Variants in LMTK2 observed in about 807,000 individuals in gnomAD.
LMTK2 encodes the protein serine/threonine-protein kinase LMTK2.
Under a neutral mutation model 127.5 loss-of-function variants are expected in LMTK2, and 37 were observed. The observed-to-expected ratio is 0.29, with a 90% CI of 0.22 to 0.38. LMTK2 has a LOEUF of 0.38. Ranked by LOEUF, LMTK2 falls within the 10% of genes least tolerant of loss-of-function variation. The probability of loss-of-function intolerance (pLI) is 1.00; values close to 1 mark genes in which losing one functional copy is unlikely to be tolerated. For missense variants in LMTK2, 1,694 were observed against 1,920.3 expected, an observed-to-expected ratio of 0.88 and a Z score of 2.20; for synonymous variants, 819 against 810.1, an observed-to-expected ratio of 1.01 and a Z score of -0.19.
chr7:98,140,869 G>A (rs1418258240), intron 2 of LMTK2, among the ~76,000 whole-genome samples: 2 of 148,474 alleles, frequency 1.3e-5, no homozygotes, highest in African/African-American at 5.1e-5. Context: ...GCAACATAGG[G>A]AGACTCTGCC....
chr7:98,173,277 C>T (rs1194179999), intron 7 of LMTK2, among the ~76,000 whole-genome samples: 4 of 150,996 alleles, frequency 2.6e-5, no homozygotes, highest in South Asian at 2.1e-4. Flanking sequence ...GTTTGATTTA[C>T]GATAGTAAAC....
intron 6 of LMTK2, among the ~76,000 whole-genome samples, chr7:98,164,164 G>A (rs1213586931): frequency 6.6e-6 from 1 of 152,240 alleles, no homozygotes; most frequent in Non-Finnish European, 1.5e-5. Flanking sequence ...CCACAGATTT[G>A]CAATGCTGAC....
chr7:98,200,277 T>C (rs529167708), intron 11 of LMTK2, among the ~76,000 whole-genome samples: 2 of 152,336 alleles, frequency 1.3e-5, no homozygotes, highest in South Asian at 4.1e-4. Flanking sequence ...GTTGCATACA[T>C]GTACACTGAT....
rs1291463633 is a variant in LMTK2 at position 98,194,157 on chromosome 7, A to C, written c.3692A>C (p.Asn1231Thr). 6.2e-7 allele frequency: 1 copy of C among 1,613,986 alleles called. No individual in the cohort carries two copies. Among genetic ancestry groups the C allele is most frequent in the South Asian group, 1.1e-5 (1 of 91,078 alleles). ...TGCACCCTCGCTTCCACGGGGACCA[A>C]CACGAACGAACTCCTTGCCTACACC... is the stretch of plus-strand genomic sequence containing the variant. ...RPCTLASTGT[N>T]TNELLAYTNS... Residue 1231 changes from asparagine to threonine, a missense_variant, in exon 11 of 14, where the codon AAC becomes ACC. Asn to Thr is a moderately conservative substitution (Grantham distance 65). Coordinates refer to ENST00000297293, the MANE Select transcript of LMTK2 (RefSeq NM_014916.4). This position sits in a 1 kb window ranked among gnomAD's most constrained non-coding sequence, Gnocchi z 5.4.
chr7:98,125,284 CAG>C (rs1007702937), intron 1 of LMTK2, among the ~76,000 whole-genome samples: 33 of 146,092 alleles, frequency 2.3e-4, no homozygotes, highest in Non-Finnish European at 2.1e-4. Flanking sequence ...GCCTGGGTGA[CAG>C]AGCGAGACTC....
chr7:98,203,477 T>C (rs1584302806), intron 11 of LMTK2, 97 bp from the exon 12 acceptor site: 1 of 1,438,712 alleles, frequency 7.0e-7, no homozygotes, highest in East Asian at 2.4e-5. Context: ...TACTTCTCAG[T>C]CGATGAGTCT....
chr7:98,135,570 C>T (rs1217555817), intron 1 of LMTK2, among the ~76,000 whole-genome samples: 1 of 152,110 alleles, frequency 6.6e-6, no homozygotes, highest in Non-Finnish European at 1.5e-5. Flanking sequence ...GATCCTCCCA[C>T]CTTGGCCTCC....
chr7:98,120,108 A>G (rs1796341548), intron 1 of LMTK2, among the ~76,000 whole-genome samples: 1 of 152,220 alleles, frequency 6.6e-6, no homozygotes, highest in Admixed American at 6.5e-5. Context: ...GTCGGGTTTG[A>G]TGAAGAACAC....
chr7:98,145,264 C>T (rs535871084), intron 3 of LMTK2, among the ~76,000 whole-genome samples: 15 of 69,916 alleles, frequency 2.1e-4, no homozygotes, highest in Non-Finnish European at 3.0e-4. Context: ...AAGAGGGAAT[C>T]AAAATGGTAC....
At position 98,193,088 on chromosome 7, in the gene LMTK2, A is replaced by G. The variant is rs2116465503; in HGVS notation, c.2623A>G (p.Arg875Gly). 4.3e-6 allele frequency: 7 copies of G among 1,613,848 alleles called. No homozygotes were observed. The highest frequency in any genetic ancestry group is 1.6e-4 in the Middle Eastern group (1 of 6,062). ...GGTTGAAATTCTCTCAACTGATGCCAGAACCCACAGCCTGGATAACAGGTC... is the reference window on the plus strand; with the variant it reads ...GGTTGAAATTCTCTCAACTGATGCCGGAACCCACAGCCTGGATAACAGGTC... ...VPVEILSTDA[R>G]THSLDNRSQD... is the part of the protein sequence containing the mutation. Residue 875 changes from arginine (R) to glycine (G), a missense_variant, in exon 11 of 14, where the codon AGA becomes GGA. Transcript: ENST00000297293. This position sits in a 1 kb window ranked among gnomAD's most constrained non-coding sequence, Gnocchi z 4.1.
intron 1 of LMTK2, among the ~76,000 whole-genome samples, chr7:98,132,038 A>G (rs573719470): frequency 7.4e-4 from 113 of 152,090 alleles, no homozygotes; most frequent in Middle Eastern, 3.4e-3. Flanking sequence ...GGGAACAAGA[A>G]CTCCACCCAG....
At chr7:98,108,807 T>C (rs1158421712) in intron 1 of LMTK2, among the ~76,000 whole-genome samples, 3 of 151,898 alleles carry the variant, frequency 2.0e-5, no homozygotes, top group African/African-American at 7.2e-5. Flanking sequence ...TGGATTTTTA[T>C]ATATTTTGAA....
rs79233657 is a variant in LMTK2 at position 98,199,273 on chromosome 7, A to G, written c.4108-4301A>G. ...TCTCTGTCATTGCCGATTTTTCTGC[A>G]TACTTGTTCTATTACTCAGAGAGAG... On this transcript the variant is annotated intron_variant, in intron 11 of 13. Transcript: ENST00000297293. Among the ~76,000 whole-genome samples the G allele has an allele frequency of 5.3e-5, 8 of 152,320 alleles. No individual in the cohort carries two copies. In the East Asian group the frequency reaches 1.5e-3, roughly 29 times the overall value.
At chr7:98,119,897 A>G (rs1796338804) in intron 1 of LMTK2, among the ~76,000 whole-genome samples, 1 of 152,226 alleles carries the variant, frequency 6.6e-6, no homozygotes, top group African/African-American at 2.4e-5. Flanking sequence ...TTATTTTTCT[A>G]AGCTAACTCA....
chr7:98,201,259 TCTC>T (rs1465271817), intron 11 of LMTK2, among the ~76,000 whole-genome samples: 2 of 152,192 alleles, frequency 1.3e-5, no homozygotes, highest in African/African-American at 4.8e-5. Flanking sequence ...AGATCATTCT[TCTC>T]CTAGAAGTAC....
At chr7:98,140,126 CTTTCTTT>C (rs1217358060) in intron 2 of LMTK2, among the ~76,000 whole-genome samples, 1 of 12,018 alleles carries the variant, frequency 8.3e-5, no homozygotes, top group East Asian at 1.9e-3. Flanking sequence ...TTCTTTCTTT[CTTTCTTT>C]CTTTCTTTCT....
intron 4 of LMTK2, 85 bp downstream of exon 4, chr7:98,151,540 G>A: frequency 7.1e-6 from 8 of 1,126,176 alleles, no homozygotes; most frequent in Non-Finnish European, 1.1e-5. Flanking sequence ...GTTGTGTGGA[G>A]TTCCACGTGC....
At chr7:98,126,993 T>A (rs1307833791) in intron 1 of LMTK2, among the ~76,000 whole-genome samples, 1 of 152,198 alleles carries the variant, frequency 6.6e-6, no homozygotes. Flanking sequence ...CTGAGTATAT[T>A]TACTGCCACG....
intron 8 of LMTK2, among the ~76,000 whole-genome samples, chr7:98,186,330 G>A (rs1797433053): frequency 6.6e-6 from 1 of 152,008 alleles, no homozygotes; most frequent in South Asian, 2.1e-4. Flanking sequence ...CAAAGTGCTG[G>A]GATTGCAGGC....
Sources: allele counts gnomAD v4.1 joint callset (sites outside exome capture counted in the v4.1 genomes callset), GRCh38; gene constraint gnomAD v4.1.1; non-coding constraint Gnocchi (gnomAD v3.1); transcripts MANE v1.5; gene names NCBI Gene and HGNC (gene_info 2026-07-23, HGNC 2026-07-21).